Variants in DENND1A observed in about 807,000 individuals in gnomAD.
DENND1A encodes the protein DENN domain containing 1A, also known as DENN domain-containing protein 1A.
DENND1A carries 51 observed loss-of-function variants against 113.7 expected under a neutral mutation model. The observed-to-expected ratio is 0.45, with a 90% CI of 0.36 to 0.57. The LOEUF (loss-of-function observed/expected upper bound fraction) is 0.57, where lower values mean the gene tolerates loss of function less well. Among genes scored for constraint, DENND1A ranks in the 20% least tolerant of loss-of-function variants. The probability of loss-of-function intolerance (pLI) is 0.00; values close to 1 mark genes in which losing one functional copy is unlikely to be tolerated. For missense variants in DENND1A, 1,258 were observed against 1,395.9 expected (o/e 0.90, Z 1.57); for synonymous variants, 565 against 570.8 (o/e 0.99, Z 0.14).
intron 19 of DENND1A, among the ~76,000 whole-genome samples, chr9:123,429,334 C>A (rs116672688): frequency 2.0e-5 from 3 of 152,094 alleles, no homozygotes; most frequent in African/African-American, 7.2e-5. Flanking sequence ...GGAGGGTGGA[C>A]CAGTTGAGGC....
At chr9:123,803,638 A>T (rs1835061223) in intron 2 of DENND1A, among the ~76,000 whole-genome samples, 1 of 152,190 alleles carries the variant, frequency 6.6e-6, no homozygotes, top group Admixed American at 6.5e-5. Flanking sequence ...GCCAACTCAG[A>T]CAGAGCTCCA....
intron 13 of DENND1A, among the ~76,000 whole-genome samples, chr9:123,484,069 A>C (rs4838062): frequency 0.99 from 150,723 of 152,346 alleles, 74,578 homozygotes; most frequent in Middle Eastern, 1. Flanking sequence ...GGACTTGGTT[A>C]TGTCTGAGCA....
chr9:123,618,457 G>A (rs2060767760), intron 10 of DENND1A, among the ~76,000 whole-genome samples: 1 of 152,244 alleles, frequency 6.6e-6, no homozygotes, highest in Non-Finnish European at 1.5e-5. Flanking sequence ...TGCTCAGGCA[G>A]GTAGGCAGGA....
chr9:123,848,728 C>A (rs763375713), intron 2 of DENND1A, among the ~76,000 whole-genome samples: 1 of 152,190 alleles, frequency 6.6e-6, no homozygotes, highest in South Asian at 2.1e-4. Flanking sequence ...AACAGCCCAA[C>A]TGCGAATCCA....
intron 11 of DENND1A, among the ~76,000 whole-genome samples, chr9:123,593,159 C>T (rs546936405): frequency 1.4e-4 from 21 of 152,282 alleles, no homozygotes; most frequent in African/African-American, 3.6e-4. Flanking sequence ...CCTTCTGAGA[C>T]GTCTTTGCAG....
chr9:123,878,284 G>A (rs1015139074), intron 2 of DENND1A, among the ~76,000 whole-genome samples: 23 of 151,978 alleles, frequency 1.5e-4, no homozygotes, highest in Admixed American at 1.0e-3. Context: ...TTGGCAAAAT[G>A]TATCACCTCT....
chr9:123,636,988 C>T (rs1290673930), intron 9 of DENND1A, among the ~76,000 whole-genome samples: 1 of 152,186 alleles, frequency 6.6e-6, no homozygotes, highest in East Asian at 1.9e-4. Context: ...CCGCGCCCGG[C>T]CCCAGACATT....
intron 5 of DENND1A, among the ~76,000 whole-genome samples, chr9:123,740,355 C>T (rs1182833886): frequency 6.6e-6 from 1 of 152,164 alleles, no homozygotes; most frequent in Non-Finnish European, 1.5e-5. Context: ...AATCTACTCT[C>T]AGTATAGAGC....
At position 123,776,627 on chromosome 9, in the gene DENND1A, T is replaced by C. The variant is rs188321997; in HGVS notation, c.133-7064A>G. On this transcript the variant is annotated intron_variant, in intron 3 of 23. Transcript: ENST00000394215. ...ATCTTGAAAGCCTATTCAGTCACAATTGCATACCCACTTAATCAGCAATCA... is the reference window on the plus strand; with the variant it reads ...ATCTTGAAAGCCTATTCAGTCACAACTGCATACCCACTTAATCAGCAATCA... Among the ~76,000 whole-genome samples, 344 of 152,342 alleles carry C rather than the reference T, an allele frequency of 2.3e-3. 1 individual carries two copies. Among genetic ancestry groups the C allele is most frequent in the Non-Finnish European group, 2.9e-3 (195 of 68,032 alleles).
At chr9:123,819,544 G>A (rs1193801596) in intron 2 of DENND1A, among the ~76,000 whole-genome samples, 4 of 152,030 alleles carry the variant, frequency 2.6e-5, no homozygotes, top group Non-Finnish European at 5.9e-5. Flanking sequence ...TTATTTTTGA[G>A]ACAGGGTCTC....
In DENND1A at chr9:123,726,955, AGG is replaced by A. The variant is rs1419138471; in HGVS notation, c.302+30746_302+30747del. ...GGAAAGGCCAGGGACTCTGTGGTAG[AGG>A]GCTTATGTTCAAGTCATGTCCTCCA... On this transcript the variant is annotated intron_variant, in intron 5 of 23. Transcript: ENST00000394215. 1.9e-4 allele frequency among the ~76,000 whole-genome samples: 29 copies of A among 152,276 alleles called. No individual in the cohort carries two copies. In the East Asian group the frequency reaches 4.6e-3, roughly 24 times the overall value.
chr9:123,696,308 T>C (rs2065518528), intron 5 of DENND1A, among the ~76,000 whole-genome samples: 1 of 152,218 alleles, frequency 6.6e-6, no homozygotes, highest in Non-Finnish European at 1.5e-5. Context: ...TTCCTGTACT[T>C]TAAATTATTG....
chr9:123,903,660 G>T (rs945567109), intron 1 of DENND1A, among the ~76,000 whole-genome samples: 2 of 152,160 alleles, frequency 1.3e-5, no homozygotes, highest in Non-Finnish European at 2.9e-5. Context: ...TGCGCTTTTC[G>T]GACCGGCTTA....
chr9:123,500,790 A>G (rs2052410084), intron 13 of DENND1A, among the ~76,000 whole-genome samples: 3 of 152,220 alleles, frequency 2.0e-5, no homozygotes, highest in Admixed American at 1.3e-4. Context: ...AGACAGAACC[A>G]TACTCAAATC....
chr9:123,473,466 CAG>C (rs1175184015), intron 13 of DENND1A, among the ~76,000 whole-genome samples: 12 of 152,210 alleles, frequency 7.9e-5, no homozygotes, highest in African/African-American at 2.9e-4. Flanking sequence ...AGCCGAGACT[CAG>C]GGGCAGCAAT....
chr9:123,581,739 T>C (rs1234069497), intron 12 of DENND1A, among the ~76,000 whole-genome samples: 2 of 152,132 alleles, frequency 1.3e-5, no homozygotes, highest in Admixed American at 1.3e-4. Flanking sequence ...GGTGCACCAA[T>C]GCCCACCAGG....
At chr9:123,803,062 T>A (rs996765218) in intron 2 of DENND1A, among the ~76,000 whole-genome samples, 1 of 152,252 alleles carries the variant, frequency 6.6e-6, no homozygotes, top group African/African-American at 2.4e-5. Context: ...GCTTAAATTC[T>A]ATTGTTATAA....
Position 123,918,601 on chromosome 9 carries a change from C to T in DENND1A, c.17+11288G>A, listed in dbSNP as rs192631385. Reference sequence around the variant, plus strand: ...ATATAGCCAATAAGTTTAAATACATCCATTTAAAGTGACACTCCCCTCTCT... The same window carrying T: ...ATATAGCCAATAAGTTTAAATACATTCATTTAAAGTGACACTCCCCTCTCT... On this transcript the variant is annotated intron_variant, in intron 1 of 23. Transcript: ENST00000394215. 5.8e-3 allele frequency among the ~76,000 whole-genome samples: 888 copies of T among 152,158 alleles called. 19 individuals carry two copies. The highest frequency in any genetic ancestry group is 8.4e-3 in the Non-Finnish European group (568 of 67,984).
At chr9:123,707,540 C>G (rs2066306884) in intron 5 of DENND1A, among the ~76,000 whole-genome samples, 4 of 152,102 alleles carry the variant, frequency 2.6e-5, no homozygotes, top group Admixed American at 2.0e-4. Context: ...AAACAGGGTT[C>G]CCTTCCCTGG....
Sources: allele counts gnomAD v4.1 joint callset (sites outside exome capture counted in the v4.1 genomes callset), GRCh38; gene constraint gnomAD v4.1.1; transcripts MANE v1.5; gene names NCBI Gene and HGNC (gene_info 2026-07-23, HGNC 2026-07-21).